SLC35F4: variants seen among roughly 807,000 people sequenced by gnomAD.
The protein encoded by SLC35F4 is solute carrier family 35 member F4.
Under a neutral mutation model 44.2 loss-of-function variants are expected in SLC35F4, and 24 were observed. The ratio of observed to expected loss-of-function variants is 0.54; its 90% CI spans 0.39 to 0.76. The LOEUF is 0.76. Ranked by LOEUF, SLC35F4 falls within the 30% of genes least tolerant of loss-of-function variation. SLC35F4 has a pLI of 0.00. For missense variants in SLC35F4, 562 were observed against 586.1 expected, an observed-to-expected ratio of 0.96 and a Z score of 0.42; for synonymous variants, 238 against 223.6, an observed-to-expected ratio of 1.06 and a Z score of -0.57.
In SLC35F4 at chr14:57,715,984, A is replaced by T. The variant is rs1252173201; in HGVS notation, c.104-121860T>A. ...GTATATGCCAAGACGTAATATAAAAATGTACTTTTAAAAGAGGAAGAGTGG... is the reference window on the plus strand; with the variant it reads ...GTATATGCCAAGACGTAATATAAAATTGTACTTTTAAAAGAGGAAGAGTGG... On this transcript the variant is annotated intron_variant, in intron 1 of 7. Coordinates refer to ENST00000556826, the MANE Select transcript of SLC35F4 (RefSeq NM_001306087.2). Among the ~76,000 whole-genome samples, 4 of 152,356 alleles carry T rather than the reference A, an allele frequency of 2.6e-5. No homozygotes were observed. In the East Asian group the frequency reaches 7.7e-4, roughly 29 times the overall value.
At chr14:57,695,285 A>G (rs1159151757) in intron 1 of SLC35F4, among the ~76,000 whole-genome samples, 1 of 152,046 alleles carries the variant, frequency 6.6e-6, no homozygotes, top group African/African-American at 2.4e-5. Context: ...ACAAACGGCT[A>G]ATATCCAGAA....
chr14:57,648,369 GCTA>G (rs2073635445), intron 1 of SLC35F4, among the ~76,000 whole-genome samples: 1 of 152,070 alleles, frequency 6.6e-6, no homozygotes. Context: ...AAGAGATATA[GCTA>G]CTAACACTGT....
intron 1 of SLC35F4, among the ~76,000 whole-genome samples, chr14:57,689,467 C>T (rs1001683979): frequency 1.3e-5 from 2 of 152,122 alleles, no homozygotes; most frequent in Non-Finnish European, 2.9e-5. Context: ...CAACAAACAA[C>T]AGAGCAGGAA....
rs183131490 is a variant in SLC35F4, at chr14:57,928,632, A to G, written n.282+53281T>C. On this transcript the variant is annotated intron_variant and non_coding_transcript_variant, in intron 1 of 1. Coordinates refer to the SLC35F4 transcript ENST00000556568. The stretch of plus-strand genomic sequence containing the variant: ...AGGTTTCAGTAAGACTCAGAGTCCC[A>G]TAATGTAATCCAAAAATGTCCAGGT... Among the ~76,000 whole-genome samples the G allele has an allele frequency of 9.8e-3, 1,500 of 152,352 alleles. 20 individuals are homozygous for G. The highest frequency in any genetic ancestry group is 0.013 in the Non-Finnish European group (854 of 68,036).
At chr14:57,979,079 T>C (rs775656727) in intron 1 of SLC35F4, among the ~76,000 whole-genome samples, 53 of 152,150 alleles carry the variant, frequency 3.5e-4, no homozygotes, top group Admixed American at 5.9e-4. Flanking sequence ...AGAAGTTAGA[T>C]AAGGACTCCA....
At chr14:57,947,019 T>C (rs1890045469) in intron 1 of SLC35F4, among the ~76,000 whole-genome samples, 1 of 151,770 alleles carries the variant, frequency 6.6e-6, no homozygotes, top group African/African-American at 2.4e-5. Context: ...CTGTGAAGAA[T>C]GATATTGGTA....
chr14:57,668,310 G>A (rs1397322065), intron 1 of SLC35F4, among the ~76,000 whole-genome samples: 1 of 150,964 alleles, frequency 6.6e-6, no homozygotes. Context: ...AGTTTCTTTT[G>A]CTGTGCAGAA....
chr14:57,855,960 G>A (rs1318784831), intron 1 of SLC35F4, among the ~76,000 whole-genome samples: 1 of 150,984 alleles, frequency 6.6e-6, no homozygotes, highest in African/African-American at 2.5e-5. Flanking sequence ...AACACCACAT[G>A]TTCTCACTCA....
chr14:57,681,361 G>A (rs750770963), intron 1 of SLC35F4, among the ~76,000 whole-genome samples: 28 of 151,746 alleles, frequency 1.8e-4, no homozygotes, highest in African/African-American at 2.7e-4. Flanking sequence ...CACCTTATAC[G>A]TAAATTAACT....
intron 1 of SLC35F4, among the ~76,000 whole-genome samples, chr14:57,877,674 C>CTTTTTTTTTTTT (rs139397949): frequency 9.5e-5 from 5 of 52,422 alleles, no homozygotes; most frequent in African/African-American, 2.5e-4. Flanking sequence ...TATTTTTTGA[C>CTTTTTTTTTTTT]TTTTTTTTTT....
At chr14:57,601,133 T>C (rs2070802273) in intron 1 of SLC35F4, among the ~76,000 whole-genome samples, 1 of 152,020 alleles carries the variant, frequency 6.6e-6, no homozygotes, top group African/African-American at 2.4e-5. Flanking sequence ...CTGTTGGTCA[T>C]ATTATCTATA....
chr14:57,806,511 T>C (rs553014222), intron 1 of SLC35F4, among the ~76,000 whole-genome samples: 32 of 152,328 alleles, frequency 2.1e-4, no homozygotes, highest in African/African-American at 7.7e-4. Flanking sequence ...TATATTAAAA[T>C]AAATTGTAAA....
chr14:57,698,664 G>A (rs1287260565), intron 1 of SLC35F4, among the ~76,000 whole-genome samples: 2 of 148,946 alleles, frequency 1.3e-5, no homozygotes, highest in Non-Finnish European at 3.0e-5. Flanking sequence ...TTTCAATGGA[G>A]TCTTGCTCTG....
At position 57,948,714 on chromosome 14, in the gene SLC35F4, G is replaced by A. The variant is rs191113613; in HGVS notation, n.282+33199C>T. On this transcript the variant is annotated intron_variant and non_coding_transcript_variant, in intron 1 of 1. Transcript: ENST00000556568. ...TTAGAACCACTTTTGCTGTATCCGAGAGGTTTTGATAAGTTGTGACACTAT... is the reference window on the plus strand; with the variant it reads ...TTAGAACCACTTTTGCTGTATCCGAAAGGTTTTGATAAGTTGTGACACTAT... Among the ~76,000 whole-genome samples, 996 of 152,158 alleles carry A rather than the reference G, an allele frequency of 6.5e-3. 13 individuals are homozygous for A. Among genetic ancestry groups the A allele is most frequent in the African/African-American group, 0.023 (937 of 41,538 alleles).
intron 1 of SLC35F4, among the ~76,000 whole-genome samples, chr14:57,845,532 C>T (rs1008811760): frequency 2.2e-4 from 34 of 152,168 alleles, no homozygotes; most frequent in Admixed American, 2.0e-3. Context: ...ACAATTCAGG[C>T]TTACATTGGT....
At chr14:57,648,741 C>A (rs529630880) in intron 1 of SLC35F4, among the ~76,000 whole-genome samples, 5 of 152,288 alleles carry the variant, frequency 3.3e-5, no homozygotes, top group African/African-American at 9.6e-5. Flanking sequence ...AAAATCTAAG[C>A]TTTATGCAAG....
chr14:57,940,211 T>C lies in SLC35F4; in HGVS notation n.282+41702A>G, dbSNP rs571188294. ...AGTATTGTCATCCATTGAATTGAAG[T>C]ATCCCTTAAGGGAGTTTAAATTCTA... is the stretch of plus-strand genomic sequence containing the variant. On this transcript the variant is annotated intron_variant and non_coding_transcript_variant, in intron 1 of 1. Transcript: ENST00000556568. Among the ~76,000 whole-genome samples the C allele has an allele frequency of 2.0e-5, 3 of 152,322 alleles. No individual in the cohort carries two copies. The South Asian group carries it at 6.2e-4, about 32-fold the overall frequency.
chr14:57,849,875 G>A (rs1453161083), intron 1 of SLC35F4, among the ~76,000 whole-genome samples: 1 of 152,100 alleles, frequency 6.6e-6, no homozygotes, highest in Admixed American at 6.6e-5. Flanking sequence ...TGACTGTCAA[G>A]CAAAAGAATA....
chr14:57,616,936 T>G (rs115892958), intron 1 of SLC35F4, among the ~76,000 whole-genome samples: 4,234 of 151,926 alleles, frequency 0.028, 75 homozygotes, highest in Middle Eastern at 0.054. Context: ...AAGTCCCCCT[T>G]CCTCTCAATC....
Sources: allele counts gnomAD v4.1 joint callset (sites outside exome capture counted in the v4.1 genomes callset), GRCh38; gene constraint gnomAD v4.1.1; transcripts MANE v1.5; gene names NCBI Gene and HGNC (gene_info 2026-07-23, HGNC 2026-07-21).